Variants in SLC25A12 observed in about 807,000 individuals in gnomAD.
SLC25A12 encodes the protein solute carrier family 25 member 12, also known as electrogenic aspartate/glutamate antiporter SLC25A12, mitochondrial.
A neutral mutation model predicts 83.3 loss-of-function variants in SLC25A12; 32 were observed. The observed-to-expected ratio is 0.38, with a 90% CI of 0.29 to 0.52. The LOEUF (loss-of-function observed/expected upper bound fraction) is 0.52. SLC25A12 is among the 20% of genes least tolerant of loss of function. The probability of loss-of-function intolerance (pLI) is 0.84; values close to 1 mark genes in which losing one functional copy is unlikely to be tolerated. For missense variants in SLC25A12, 611 were observed against 835.6 expected (o/e 0.73, Z 3.31); for synonymous variants, 267 against 291.1 (o/e 0.92, Z 0.84).
In SLC25A12 at chr2:171,867,052, C is replaced by T. The variant is rs1419128424; in HGVS notation, c.209+1629G>A. Among the ~76,000 whole-genome samples the T allele has an allele frequency of 1.6e-4, 24 of 146,904 alleles. No individual in the cohort carries two copies. In the East Asian group the frequency reaches 2.7e-3, roughly 16 times the overall value. ...CCCAGACGGGGCGGTGGGGCAGAGG[C>T]GCTCCCCACATCTCAGACGATGGGC... On this transcript the variant is annotated intron_variant, in intron 3 of 17. Transcript: ENST00000422440.
chr2:171,875,143 A>T (rs970324172), intron 2 of SLC25A12, among the ~76,000 whole-genome samples: 7 of 152,250 alleles, frequency 4.6e-5, no homozygotes, highest in South Asian at 2.1e-4. Flanking sequence ...AGCCTCTGAT[A>T]GGTTGCTTTC....
At chr2:171,883,785 G>C (rs755609839) in intron 2 of SLC25A12, among the ~76,000 whole-genome samples, 1 of 152,082 alleles carries the variant, frequency 6.6e-6, no homozygotes, top group Non-Finnish European at 1.5e-5. Flanking sequence ...TTTAAAAAAT[G>C]ATGGCCCTTC....
intron 3 of SLC25A12, among the ~76,000 whole-genome samples, chr2:171,863,520 C>T (rs1685212886): frequency 1.6e-5 from 2 of 125,904 alleles, no homozygotes; most frequent in South Asian, 2.9e-4. Flanking sequence ...AGTGAGACTC[C>T]GTCTCCGACA....
intron 15 of SLC25A12, 122 bp from the exon 16 acceptor site, chr2:171,788,069 T>C (rs1690523128): frequency 8.5e-6 from 8 of 939,804 alleles, no homozygotes; most frequent in Admixed American, 2.0e-5. Flanking sequence ...ACTCTTTACA[T>C]AGATGTCTGG....
At chr2:171,811,071 T>C (rs567225508) in intron 11 of SLC25A12, among the ~76,000 whole-genome samples, 1 of 152,342 alleles carries the variant, frequency 6.6e-6, no homozygotes, top group East Asian at 1.9e-4. Flanking sequence ...ACACAGCTTA[T>C]CCAAATTGTT....
intron 3 of SLC25A12, among the ~76,000 whole-genome samples, chr2:171,862,609 G>A (rs755805259): frequency 2.0e-5 from 3 of 152,176 alleles, no homozygotes; most frequent in Admixed American, 1.3e-4. Flanking sequence ...GAGCACAAAA[G>A]AGCGTGTTTC....
rs75776799 is a variant in SLC25A12 at position 171,864,831 on chromosome 2, G to C, written c.209+3850C>G. On this transcript the variant is annotated intron_variant, in intron 3 of 17. Coordinates refer to ENST00000422440, the MANE Select transcript of SLC25A12 (RefSeq NM_003705.5). ...GCTATGACAGCACCTCATTTCAGAA[G>C]TGTTACTTTTTTCCTTTGTTTAGTC... Among the ~76,000 whole-genome samples, 238 of 152,238 alleles carry C rather than the reference G, an allele frequency of 1.6e-3. 5 individuals carry two copies. The East Asian group carries it at 0.026, about 17-fold the overall frequency.
intron 11 of SLC25A12, among the ~76,000 whole-genome samples, chr2:171,812,436 T>C (rs1350825095): frequency 1.3e-5 from 2 of 152,070 alleles, no homozygotes; most frequent in East Asian, 3.9e-4. Flanking sequence ...AACAAACAAG[T>C]ACAGTAAATT....
chr2:171,893,221 C>T lies in SLC25A12; in HGVS notation c.50G>A (p.Arg17Lys). The change falls in exon 2 of 18, where the codon AGA (arginine) becomes AAA (lysine). Residue 17 changes from arginine (R) to lysine (K), a missense_variant. By Grantham distance (26) the Arg-to-Lys change is conservative (BLOSUM62 2). Coordinates refer to ENST00000422440, the MANE Select transcript of SLC25A12 (RefSeq NM_003705.5). The stretch of plus-strand genomic sequence containing the variant: ...CCAATTTACCTGTAGAAATATGTTT[C>T]TTAACTCATGAGGATCCCCTCGCTT... ...TTKRGDPHEL[R>K]NIFLQYASTE... 1 of 1,614,030 alleles carries T rather than the reference C, an allele frequency of 6.2e-7. No individual in the cohort carries two copies.
intron 5 of SLC25A12, among the ~76,000 whole-genome samples, chr2:171,839,019 G>A (rs141814511): frequency 8.5e-4 from 130 of 152,160 alleles, no homozygotes; most frequent in Middle Eastern, 3.4e-3. Flanking sequence ...ACATATATGC[G>A]GCTCTCAGTT....
chr2:171,834,801 A>G lies in SLC25A12; in HGVS notation c.677T>C (p.Leu226Pro). ...FSYFNAFNSL[L>P]NNMELVRKIY... is the part of the protein sequence containing the mutation. Reference sequence around the variant, plus strand: ...CTTACGAACAAGCTCCATGTTATTCAGTAACGAGTTAAATGCATTGAAGTA... The same window carrying G: ...CTTACGAACAAGCTCCATGTTATTCGGTAACGAGTTAAATGCATTGAAGTA... The change falls in exon 7 of 18, where the codon CTG becomes CCG. Residue 226 changes from leucine to proline, a missense_variant. By Grantham distance (98) the Leu-to-Pro change is moderately conservative. Transcript: ENST00000422440. The G allele has an allele frequency of 6.2e-7, 1 of 1,613,984 alleles. No individual in the cohort carries two copies. The highest frequency in any genetic ancestry group is 8.5e-7 in the Non-Finnish European group (1 of 1,179,926).
At chr2:171,809,741 C>T (rs1423330716) in intron 12 of SLC25A12, 55 bp from the exon 13 acceptor site, 1 of 1,276,134 alleles carries the variant, frequency 7.8e-7, no homozygotes, top group Non-Finnish European at 1.1e-6. Context: ...TCTCTTCTGG[C>T]ATACTGTTGC....
intron 2 of SLC25A12, among the ~76,000 whole-genome samples, chr2:171,875,501 GGA>G (rs944448615): frequency 6.6e-6 from 1 of 152,060 alleles, no homozygotes; most frequent in African/African-American, 2.4e-5. Flanking sequence ...ATTAGAGCGG[GGA>G]GAGAGAGAAA....
At chr2:171,871,675 C>T (rs1455083699) in intron 2 of SLC25A12, 3 of 973,388 alleles carry the variant, frequency 3.1e-6, no homozygotes, top group Non-Finnish European at 3.7e-6. Context: ...AAGTTAGTTC[C>T]TCTCTCCTCC....
At chr2:171,803,728 G>C (rs141040377) in intron 13 of SLC25A12, among the ~76,000 whole-genome samples, 3,519 of 152,100 alleles carry the variant, frequency 0.023, 66 homozygotes, top group Admixed American at 0.043. Context: ...CGAGGCTGTA[G>C]CATGTGATGT....
intron 10 of SLC25A12, among the ~76,000 whole-genome samples, chr2:171,813,920 C>T (rs1190526230): frequency 1.3e-5 from 2 of 152,092 alleles, no homozygotes; most frequent in South Asian, 2.1e-4. Context: ...TAGGTGGCTA[C>T]GATTTTAAAA....
chr2:171,813,382 A>G lies in SLC25A12; in HGVS notation c.1128T>C (p.Phe376=). The G allele has an allele frequency of 6.2e-7, 1 of 1,614,086 alleles. No homozygotes were observed. Among genetic ancestry groups the G allele is most frequent in the Non-Finnish European group, 8.5e-7 (1 of 1,179,964 alleles). ...ELMYKNSFDC[F]KKVLRYEGFF... is the part of the protein sequence containing the mutation. ...AGCCCTCATAACGCAAGACTTTCTT[A>G]AAACAGTCAAAGCTGTTTTTGTACA... Residue 376 remains phenylalanine, a synonymous_variant, in exon 11 of 18, where the codon TTT becomes TTC. Coordinates refer to ENST00000422440, the MANE Select transcript of SLC25A12 (RefSeq NM_003705.5).
chr2:171,805,274 A>G (rs931781637), intron 13 of SLC25A12, among the ~76,000 whole-genome samples: 3 of 151,838 alleles, frequency 2.0e-5, no homozygotes, highest in East Asian at 3.9e-4. Context: ...TCACCTGGCT[A>G]ATTTTTTTGT....
intron 3 of SLC25A12, among the ~76,000 whole-genome samples, chr2:171,857,521 C>T (rs1460621691): frequency 6.6e-6 from 1 of 151,842 alleles, no homozygotes; most frequent in South Asian, 2.1e-4. Flanking sequence ...CCCATCTCTA[C>T]AAAAAATACA....
Sources: allele counts gnomAD v4.1 joint callset (sites outside exome capture counted in the v4.1 genomes callset), GRCh38; gene constraint gnomAD v4.1.1; transcripts MANE v1.5; gene names NCBI Gene and HGNC (gene_info 2026-07-23, HGNC 2026-07-21).